Variants in ARHGAP42 observed in about 807,000 individuals in gnomAD.
ARHGAP42 encodes Rho GTPase activating protein 42.
A neutral mutation model predicts 125.0 loss-of-function variants in ARHGAP42; 63 were observed. That is an observed-to-expected ratio of 0.50 (90% confidence interval 0.41 to 0.62). ARHGAP42 has a LOEUF of 0.62. Among genes scored for constraint, ARHGAP42 ranks in the 20% least tolerant of loss-of-function variants. The probability of loss-of-function intolerance (pLI) is 0.00; values close to 1 mark genes in which losing one functional copy is unlikely to be tolerated. For missense variants in ARHGAP42, 766 were observed against 1,024.2 expected, an observed-to-expected ratio of 0.75 and a Z score of 3.44; for synonymous variants, 339 against 351.0, an observed-to-expected ratio of 0.97 and a Z score of 0.38.
rs189671872 is a variant in ARHGAP42 at position 100,870,648 on chromosome 11, G to A, written c.384+11023G>A. On this transcript the variant is annotated intron_variant, in intron 4 of 23. Coordinates refer to ENST00000298815, the MANE Select transcript of ARHGAP42 (RefSeq NM_152432.4). The stretch of plus-strand genomic sequence containing the variant: ...AAATATTCTAAAGTACTTAGGAAAC[G>A]TGATATTGACTTCCTTGGAAAACAC... Among the ~76,000 whole-genome samples, 52 of 152,268 alleles carry A rather than the reference G, an allele frequency of 3.4e-4. 1 individual carries two copies. The highest frequency in any genetic ancestry group is 3.3e-3 in the Admixed American group (50 of 15,302).
intron 1 of ARHGAP42, among the ~76,000 whole-genome samples, chr11:100,759,549 G>A (rs1170978201): frequency 6.6e-6 from 1 of 152,120 alleles, no homozygotes; most frequent in Non-Finnish European, 1.5e-5. Context: ...AGAGTTATAA[G>A]ATTTAGACAC....
chr11:100,943,400 T>A (rs578220945), intron 9 of ARHGAP42, among the ~76,000 whole-genome samples: 1 of 152,088 alleles, frequency 6.6e-6, no homozygotes, highest in Non-Finnish European at 1.5e-5. Context: ...ACAAGCACTC[T>A]GTATATCCAA....
chr11:100,914,229 C>T (rs900788619), intron 5 of ARHGAP42, among the ~76,000 whole-genome samples: 1 of 152,050 alleles, frequency 6.6e-6, no homozygotes, highest in Non-Finnish European at 1.5e-5. Flanking sequence ...ACCACTGTGC[C>T]CCACCGCTAC....
chr11:100,697,327 C>T (rs1252102161), intron 1 of ARHGAP42, among the ~76,000 whole-genome samples: 2 of 152,126 alleles, frequency 1.3e-5, no homozygotes, highest in African/African-American at 4.8e-5. Flanking sequence ...GGACTACGGG[C>T]GCCCGGCACC....
chr11:100,877,195 G>C (rs1402601187), intron 4 of ARHGAP42, among the ~76,000 whole-genome samples: 1 of 152,144 alleles, frequency 6.6e-6, no homozygotes, highest in African/African-American at 2.4e-5. Context: ...TTTTCTTGAT[G>C]TTCTAGGAAG....
chr11:100,944,488 C>T (rs1294007488), intron 10 of ARHGAP42, among the ~76,000 whole-genome samples: 1 of 152,142 alleles, frequency 6.6e-6, no homozygotes, highest in African/African-American at 2.4e-5. Context: ...ATTCTAAATA[C>T]ACTAGCTTAT....
In ARHGAP42 at chr11:100,839,276, C is replaced by T. The variant is rs575152765; in HGVS notation, c.313-20278C>T. On this transcript the variant is annotated intron_variant, in intron 3 of 23. Transcript: ENST00000298815. ...ATGAAGATTTTATGATCTTTTAGAT[C>T]AGTGATTAATGGAAGACAATGTCCT... The T allele has an allele frequency of 3.9e-5, 6 of 152,210 alleles. No individual in the cohort carries two copies. The South Asian group carries it at 1.2e-3, about 32-fold the overall frequency. The allele number at this position is 152,210 out of a possible 1,614,324, so 9.4% of individuals were successfully genotyped here.
chr11:100,909,871 G>A (rs1244063069), intron 4 of ARHGAP42, among the ~76,000 whole-genome samples: 2 of 152,136 alleles, frequency 1.3e-5, no homozygotes, highest in Admixed American at 6.5e-5. Context: ...TTTTATCTTT[G>A]TGATATGCCT....
intron 3 of ARHGAP42, among the ~76,000 whole-genome samples, chr11:100,858,854 G>A (rs1409632130): frequency 6.6e-6 from 1 of 151,894 alleles, no homozygotes; most frequent in Non-Finnish European, 1.5e-5. Context: ...CAGAATAATG[G>A]TATCCTTAGA....
At chr11:100,903,083 T>G (rs917207720) in intron 4 of ARHGAP42, among the ~76,000 whole-genome samples, 3 of 145,524 alleles carry the variant, frequency 2.1e-5, no homozygotes, top group Non-Finnish European at 3.0e-5. Flanking sequence ...TTGTCTCACA[T>G]CTCTTTATTC....
intron 3 of ARHGAP42, among the ~76,000 whole-genome samples, chr11:100,811,014 G>T (rs1864126496): frequency 6.6e-6 from 1 of 152,102 alleles, no homozygotes; most frequent in Non-Finnish European, 1.5e-5. Context: ...GGAGTGCAGT[G>T]GTGCAACCTT....
At chr11:100,969,077 C>A (rs990998326) in intron 17 of ARHGAP42, among the ~76,000 whole-genome samples, 1 of 152,000 alleles carries the variant, frequency 6.6e-6, no homozygotes. Context: ...TTTTTGTTTT[C>A]CTGAAAATGC....
chr11:100,820,381 C>T (rs11224468), intron 3 of ARHGAP42, among the ~76,000 whole-genome samples: 27,850 of 151,988 alleles, frequency 0.18, 2,950 homozygotes, highest in African/African-American at 0.29. Flanking sequence ...AGTTGCAGAA[C>T]ATTGTTCTCA....
At position 100,778,563 on chromosome 11, in the gene ARHGAP42, GT is replaced by G. The variant is rs532071559; in HGVS notation, c.250+8135del. On this transcript the variant is annotated intron_variant, in intron 2 of 23. Transcript: ENST00000298815. ...TGGACAATTGAATTATTGTTTTCCT[GT>G]TTTTTTTTTAAACCACCCTTATTTT... 2.2e-4 allele frequency among the ~76,000 whole-genome samples: 33 copies of G among 147,732 alleles called. 1 individual carries two copies. The highest frequency in any genetic ancestry group is 5.0e-4 in the African/African-American group (20 of 40,312).
intron 1 of ARHGAP42, among the ~76,000 whole-genome samples, chr11:100,768,199 A>C (rs75167130): frequency 1.3e-4 from 20 of 152,324 alleles, no homozygotes; most frequent in African/African-American, 4.8e-4. Context: ...AACAGGTGTA[A>C]AGACTATGTC....
At position 100,785,969 on chromosome 11, in the gene ARHGAP42, G is replaced by A. The variant is rs79266847; in HGVS notation, c.251-9136G>A. The stretch of plus-strand genomic sequence containing the variant: ...CTGCTTCTCTACCTACTAGCTCTGG[G>A]ATTGTAGGGCAAGTTCTAGCTGATG... On this transcript the variant is annotated intron_variant, in intron 2 of 23. Transcript: ENST00000298815. 7.5e-3 allele frequency among the ~76,000 whole-genome samples: 1,136 copies of A among 152,266 alleles called. 10 individuals are homozygous for A. The highest frequency in any genetic ancestry group is 0.012 in the Non-Finnish European group (849 of 68,032).
At chr11:100,900,582 T>C (rs569783693) in intron 4 of ARHGAP42, among the ~76,000 whole-genome samples, 41 of 152,292 alleles carry the variant, frequency 2.7e-4, no homozygotes, top group African/African-American at 9.4e-4. Flanking sequence ...CATGGTCCCA[T>C]ATTTCTTGGA....
chr11:100,963,913 A>T (rs542527455), intron 16 of ARHGAP42, among the ~76,000 whole-genome samples: 3 of 152,178 alleles, frequency 2.0e-5, no homozygotes, highest in African/African-American at 7.2e-5. Context: ...CTTGGCTAAA[A>T]TGGCTCAATG....
intron 3 of ARHGAP42, among the ~76,000 whole-genome samples, chr11:100,820,338 A>G (rs750038703): frequency 6.6e-5 from 10 of 152,236 alleles, no homozygotes; most frequent in Non-Finnish European, 1.5e-4. Context: ...GGAGGCTACC[A>G]TGGCCATATT....
Sources: gnomAD v4.1 joint callset for allele counts (sites outside exome capture counted in the v4.1 genomes callset) on GRCh38, gnomAD v4.1.1 for gene constraint, MANE v1.5 for transcripts, NCBI Gene and HGNC (gene_info 2026-07-23, HGNC 2026-07-21) for gene names.